Variants in SLC17A1 observed in about 807,000 individuals in gnomAD.
SLC17A1 encodes sodium-dependent phosphate transport protein 1.
Under a neutral mutation model 53.5 loss-of-function variants are expected in SLC17A1, and 51 were observed. The observed-to-expected ratio is 0.95, with a 90% CI of 0.76 to 1.20. The LOEUF (loss-of-function observed/expected upper bound fraction) is 1.20. SLC17A1 is among the 50% of genes most tolerant of loss of function. The pLI is 0.00. For missense variants in SLC17A1, 538 were observed against 568.2 expected, an observed-to-expected ratio of 0.95 and a Z score of 0.54; for synonymous variants, 179 against 198.8, an observed-to-expected ratio of 0.90 and a Z score of 0.84.
At chr6:25,769,782 AT>A in the SLC17A1 span, among the ~76,000 whole-genome samples, 20 of 147,988 alleles carry the variant, frequency 1.4e-4, no homozygotes, top group Admixed American at 2.0e-4. Context: ...CCTTCCACGT[AT>A]TTTTTTTTTA....
intron 1 of SLC17A1, 58 bp from the exon 2 acceptor site, chr6:25,830,665 C>T: frequency 1.8e-6 from 2 of 1,099,084 alleles, no homozygotes; most frequent in Admixed American, 1.7e-5. Context: ...TGACCAAACA[C>T]TACCCAGTAC....
the SLC17A1 span, chr6:25,727,289 G>A: frequency 0.3 from 475,354 of 1,590,836 alleles, 78,844 homozygotes; most frequent in East Asian, 0.71. Context: ...CCAGCTCCAA[G>A]TAAGCCTGCT....
the SLC17A1 span, among the ~76,000 whole-genome samples, chr6:25,758,529 A>T: frequency 1.3e-5 from 2 of 152,014 alleles, no homozygotes; most frequent in Non-Finnish European, 2.9e-5. Context: ...AGGGTTTTAT[A>T]TTTCCAGGAA....
At chr6:25,725,238 C>T in the SLC17A1 span, among the ~76,000 whole-genome samples, 1 of 152,124 alleles carries the variant, frequency 6.6e-6, no homozygotes, top group African/African-American at 2.4e-5. Context: ...AAATTATGTT[C>T]GGCCTTCTAG....
chr6:25,783,979 G>A (rs1301754161), intron 12 of SLC17A1, among the ~76,000 whole-genome samples: 1 of 111,252 alleles, frequency 9.0e-6, no homozygotes. Flanking sequence ...TGAAAAGGGG[G>A]AGTGGCCAAG....
chr6:25,816,847 C>T lies in SLC17A1; in HGVS notation c.616+2221G>A, dbSNP rs540760280. ...GACAAATATAGCAGGATGGCCAGGCCATTTTTTTTTTTTTTTTGAGACGGA... is the reference window on the plus strand; with the variant it reads ...GACAAATATAGCAGGATGGCCAGGCTATTTTTTTTTTTTTTTTGAGACGGA... On this transcript the variant is annotated intron_variant, in intron 6 of 12. Transcript: ENST00000244527. Among the ~76,000 whole-genome samples, 44 of 139,986 alleles carry T rather than the reference C, an allele frequency of 3.1e-4. 2 individuals are homozygous for T. The East Asian group carries it at 0.013, about 42-fold the overall frequency. The allele number at this position is 139,986 out of a possible 152,430, so 91.8% of individuals were successfully genotyped here. A position where few individuals can be genotyped will look rare whatever the true frequency, so the allele number is the denominator to read the frequency against.
intron 12 of SLC17A1, among the ~76,000 whole-genome samples, chr6:25,790,055 C>G (rs1763468074): frequency 6.6e-6 from 1 of 152,078 alleles, no homozygotes; most frequent in Non-Finnish European, 1.5e-5. Flanking sequence ...GCTCTTTGTA[C>G]TACTCTTAAA....
At position 25,819,862 on chromosome 6, in the gene SLC17A1, G is replaced by A. The variant is rs1213693792; in HGVS notation, c.261C>T (p.Thr87=). 3 of 1,613,708 alleles carry A rather than the reference G, an allele frequency of 1.9e-6. No homozygotes were observed. The highest frequency in any genetic ancestry group is 1.3e-5 in the African/African-American group (1 of 74,904). Residue 87 remains threonine (T), a synonymous_variant, in exon 4 of 13, where the codon ACC becomes ACT. Transcript: ENST00000244527. Reference sequence around the variant, plus strand: ...CTTGGATGATGATGACACCATAGGAGGTGGAACTCAAGATGATTCCCTGGA... The same window carrying A: ...CTTGGATGATGATGACACCATAGGAAGTGGAACTCAAGATGATTCCCTGGA... The part of the protein sequence containing the change: ...PDIQGIILSS[T]SYGVIIIQVP...
chr6:25,764,695 A>G, the SLC17A1 span, among the ~76,000 whole-genome samples: 6 of 152,176 alleles, frequency 3.9e-5, no homozygotes, highest in Non-Finnish European at 7.3e-5. Flanking sequence ...GAAGCTGGGC[A>G]GACCACAGAC....
the SLC17A1 span, among the ~76,000 whole-genome samples, chr6:25,747,316 G>A: frequency 5.3e-5 from 8 of 152,202 alleles, no homozygotes; most frequent in Non-Finnish European, 1.0e-4. Flanking sequence ...GATCCATGGG[G>A]AAATCTTATT....
the SLC17A1 span, chr6:25,731,662 C>T: frequency 1.6e-6 from 1 of 623,852 alleles, no homozygotes; most frequent in Non-Finnish European, 2.5e-6. Flanking sequence ...AAAAAATTAT[C>T]AGTCTGGCAA....
chr6:25,778,944 C>A, downstream of SLC17A1: 1 of 1,414,344 alleles, frequency 7.1e-7, no homozygotes, highest in Non-Finnish European at 9.7e-7. Flanking sequence ...CCCATGGAAG[C>A]CAGAGTGGAG....
chr6:25,763,031 C>G, the SLC17A1 span, among the ~76,000 whole-genome samples: 1 of 152,168 alleles, frequency 6.6e-6, no homozygotes, highest in Admixed American at 6.5e-5. Flanking sequence ...AGTTTCCAAT[C>G]CTGATTTTGC....
the SLC17A1 span, among the ~76,000 whole-genome samples, chr6:25,734,583 T>C: frequency 1.3e-5 from 2 of 152,192 alleles, no homozygotes; most frequent in African/African-American, 4.8e-5. Flanking sequence ...ACACAAATCT[T>C]CCATTAAATA....
chr6:25,793,907 A>C (rs56777435), intron 12 of SLC17A1, among the ~76,000 whole-genome samples: 35 of 152,212 alleles, frequency 2.3e-4, no homozygotes, highest in African/African-American at 8.4e-4. Flanking sequence ...AAATCCTTCA[A>C]GTTGGATGCT....
chr6:25,762,132 A>G, the SLC17A1 span: 1 of 1,268,576 alleles, frequency 7.9e-7, no homozygotes, highest in Non-Finnish European at 1.1e-6. Flanking sequence ...AAATAAAACT[A>G]GGATCTGTGG....
At chr6:25,830,224 C>T (rs1348423740) in intron 2 of SLC17A1, among the ~76,000 whole-genome samples, 1 of 152,194 alleles carries the variant, frequency 6.6e-6, no homozygotes, top group Non-Finnish European at 1.5e-5. Context: ...ACAGATCTAT[C>T]TCTCTTTCTC....
chr6:25,727,298 CTAA>C, the SLC17A1 span: 1 of 1,581,042 alleles, frequency 6.3e-7, no homozygotes, highest in East Asian at 2.3e-5. Context: ...AGTAAGCCTG[CTAA>C]GTAAACGTCA....
At chr6:25,726,093 TTC>T in the SLC17A1 span, 8 of 1,482,350 alleles carry the variant, frequency 5.4e-6, no homozygotes, top group African/African-American at 7.1e-5. Flanking sequence ...CTTTTGTTTT[TTC>T]TGACACAGAA....
Sources: gnomAD v4.1 joint callset for allele counts (sites outside exome capture counted in the v4.1 genomes callset) on GRCh38, gnomAD v4.1.1 for gene constraint, MANE v1.5 for transcripts, NCBI Gene and HGNC (gene_info 2026-07-23, HGNC 2026-07-21) for gene names.